The following SLC2A13 variants were observed in gnomAD, a reference collection of about 807,000 sequenced individuals.
SLC2A13 encodes proton myo-inositol cotransporter.
In SLC2A13, 32 loss-of-function variants were observed where a neutral mutation model predicts 64.4. That is an observed-to-expected ratio of 0.50 (90% CI 0.37 to 0.67). The LOEUF (loss-of-function observed/expected upper bound fraction) is 0.67. Ranked by LOEUF, SLC2A13 falls within the 30% of genes least tolerant of loss-of-function variation. SLC2A13 has a pLI of 0.00. For synonymous variants in SLC2A13, 338 were observed against 327.1 expected, an observed-to-expected ratio of 1.03 and a Z score of -0.36; for missense variants, 743 against 829.2, an observed-to-expected ratio of 0.90 and a Z score of 1.28.
chr12:40,001,567 A>C (rs1014954000), intron 3 of SLC2A13, among the ~76,000 whole-genome samples: 3 of 152,228 alleles, frequency 2.0e-5, no homozygotes, highest in Non-Finnish European at 4.4e-5. Context: ...TTGGTAGTTA[A>C]ATGACTTGCC....
At chr12:39,931,283 A>G (rs1448577882) in intron 4 of SLC2A13, among the ~76,000 whole-genome samples, 3 of 152,188 alleles carry the variant, frequency 2.0e-5, no homozygotes, top group Non-Finnish European at 4.4e-5. Flanking sequence ...AGGGCAAAAC[A>G]AATGCCCTGC....
At chr12:39,809,828 G>T (rs917761746) in intron 7 of SLC2A13, among the ~76,000 whole-genome samples, 2 of 152,160 alleles carry the variant, frequency 1.3e-5, no homozygotes, top group African/African-American at 4.8e-5. Flanking sequence ...CCCTACAAAG[G>T]ACATGAACTC....
intron 7 of SLC2A13, among the ~76,000 whole-genome samples, chr12:39,819,211 G>A (rs1249726197): frequency 1.3e-5 from 2 of 152,030 alleles, no homozygotes; most frequent in African/African-American, 4.8e-5. Context: ...AGAACAATAA[G>A]GAATATATGA....
intron 4 of SLC2A13, among the ~76,000 whole-genome samples, chr12:39,872,509 C>T (rs972527996): frequency 5.3e-5 from 8 of 152,122 alleles, no homozygotes; most frequent in African/African-American, 1.4e-4. Flanking sequence ...GACATGGGAC[C>T]CATGAGAATC....
intron 7 of SLC2A13, chr12:39,829,755 T>C: frequency 3.8e-6 from 1 of 260,656 alleles, no homozygotes; most frequent in Non-Finnish European, 7.5e-6. Context: ...TTTTCTTTCA[T>C]TTAAAAGCTT....
intron 2 of SLC2A13, among the ~76,000 whole-genome samples, chr12:40,032,148 T>C (rs1412615864): frequency 6.6e-6 from 1 of 152,172 alleles, no homozygotes; most frequent in African/African-American, 2.4e-5. Flanking sequence ...AGTTGTTTTA[T>C]TAAAAGCTCT....
chr12:40,018,197 C>G (rs1170848949), intron 3 of SLC2A13, among the ~76,000 whole-genome samples: 1 of 152,128 alleles, frequency 6.6e-6, no homozygotes, highest in Non-Finnish European at 1.5e-5. Flanking sequence ...AAGCTTCACA[C>G]TTTACTGGAA....
At chr12:40,017,973 A>AT (rs1301263053) in intron 3 of SLC2A13, among the ~76,000 whole-genome samples, 18 of 88,098 alleles carry the variant, frequency 2.0e-4, no homozygotes, top group East Asian at 2.5e-4. Context: ...CAATGCACAT[A>AT]TTTAAAAAAA....
intron 6 of SLC2A13, among the ~76,000 whole-genome samples, chr12:39,833,135 C>A (rs1009409023): frequency 8.5e-5 from 13 of 152,108 alleles, no homozygotes; most frequent in African/African-American, 2.7e-4. Context: ...GTACCACTTA[C>A]TCTGTAAAAA....
chr12:39,859,081 T>TC (rs1943685180), intron 6 of SLC2A13, among the ~76,000 whole-genome samples: 1 of 152,070 alleles, frequency 6.6e-6, no homozygotes, highest in African/African-American at 2.4e-5. Flanking sequence ...AAGGGACTAA[T>TC]TTATGAGGGG....
chr12:39,949,485 G>A (rs960835672), intron 4 of SLC2A13: 5 of 152,178 alleles, frequency 3.3e-5, no homozygotes, highest in African/African-American at 1.2e-4. Context: ...GGAAAAAAGT[G>A]AGGCTTTGGA....
chr12:40,040,938 A>T (rs1023964064), intron 2 of SLC2A13, among the ~76,000 whole-genome samples: 2 of 151,472 alleles, frequency 1.3e-5, no homozygotes, highest in African/African-American at 2.4e-5. Flanking sequence ...TCTTATTGAC[A>T]TGGATTTTAA....
At chr12:39,948,549 T>A (rs1946177603) in intron 4 of SLC2A13, among the ~76,000 whole-genome samples, 1 of 152,164 alleles carries the variant, frequency 6.6e-6, no homozygotes, top group Non-Finnish European at 1.5e-5. Context: ...ATTTATCTTT[T>A]AATGTATTTG....
chr12:39,949,284 T>A (rs1450418653), intron 4 of SLC2A13, among the ~76,000 whole-genome samples: 3 of 152,238 alleles, frequency 2.0e-5, no homozygotes, highest in African/African-American at 7.2e-5. Flanking sequence ...CTGTTTTACA[T>A]CATGTAGACA....
At chr12:39,895,543 T>C (rs1460683679) in intron 4 of SLC2A13, among the ~76,000 whole-genome samples, 6 of 78,804 alleles carry the variant, frequency 7.6e-5, no homozygotes, top group African/African-American at 2.2e-4. Flanking sequence ...TATATATATA[T>C]ATATATATAC....
intron 2 of SLC2A13, among the ~76,000 whole-genome samples, chr12:40,046,636 GAA>G (rs547750463): frequency 2.2e-5 from 3 of 137,982 alleles, no homozygotes; most frequent in Admixed American, 7.2e-5. Context: ...CTACTGAGTA[GAA>G]AAAAAAAAAA....
intron 6 of SLC2A13, among the ~76,000 whole-genome samples, chr12:39,834,356 C>T (rs1942946624): frequency 6.6e-6 from 1 of 152,054 alleles, no homozygotes; most frequent in Admixed American, 6.6e-5. Flanking sequence ...TCTGTCCTCA[C>T]CTCTTTTCCT....
intron 2 of SLC2A13, among the ~76,000 whole-genome samples, chr12:40,029,403 T>C (rs1947871540): frequency 6.6e-6 from 1 of 152,206 alleles, no homozygotes; most frequent in African/African-American, 2.4e-5. Context: ...ATGTTTTCTG[T>C]TAATCCAACT....
intron 7 of SLC2A13, among the ~76,000 whole-genome samples, chr12:39,779,633 A>C (rs1940907856): frequency 6.6e-6 from 1 of 152,196 alleles, no homozygotes; most frequent in Admixed American, 6.5e-5. Flanking sequence ...CAATTTCTTC[A>C]CTACATTGTA....
Sources: allele counts gnomAD v4.1 joint callset (sites outside exome capture counted in the v4.1 genomes callset), GRCh38; gene constraint gnomAD v4.1.1; transcripts MANE v1.5; gene names NCBI Gene and HGNC (gene_info 2026-07-23, HGNC 2026-07-21).